Variants in PIKFYVE observed in about 807,000 individuals in gnomAD.
The protein encoded by PIKFYVE is 1-phosphatidylinositol 3-phosphate 5-kinase.
A neutral mutation model predicts 257.9 loss-of-function variants in PIKFYVE; 122 were observed. That is an observed-to-expected ratio of 0.47 (90% CI 0.41 to 0.55). The LOEUF (loss-of-function observed/expected upper bound fraction) is 0.55, where lower values mean the gene tolerates loss of function less well. Among genes scored for constraint, PIKFYVE ranks in the 20% least tolerant of loss-of-function variants. The pLI is 0.00. For synonymous variants in PIKFYVE, 892 were observed against 868.9 expected (o/e 1.03, Z -0.47); for missense variants, 2,160 against 2,536.6 (o/e 0.85, Z 3.19).
Position 208,325,472 on chromosome 2 carries a change from T to C in PIKFYVE, c.2661T>C (p.Pro887=), listed in dbSNP as rs1282443251. ...FAMPPTLMQN[P]SFHSLIEGRG... ...TGCCTCCCACATTAATGCAAAACCC[T>C]TCATTCCATTCCCTGATTGAGGGAC... The change falls in exon 20 of 42, where the codon CCT becomes CCC. Residue 887 remains proline (P), a synonymous_variant. Transcript: ENST00000264380. The C allele has an allele frequency of 1.9e-6, 3 of 1,614,048 alleles. No homozygotes were observed. The African/African-American group carries it at 4.0e-5, about 22-fold the overall frequency.
chr2:208,302,678 G>A (rs1693840257), intron 10 of PIKFYVE: 1 of 329,978 alleles, frequency 3.0e-6, no homozygotes, highest in Non-Finnish European at 5.9e-6. Flanking sequence ...AACTTTAATG[G>A]TTTTTGGTTT....
At chr2:208,267,876 T>C (rs1269103868) in intron 1 of PIKFYVE, among the ~76,000 whole-genome samples, 6 of 152,146 alleles carry the variant, frequency 3.9e-5, no homozygotes, top group Non-Finnish European at 8.8e-5. Flanking sequence ...CCTCCCAGGC[T>C]CAAGGGATTC....
At chr2:208,335,772 T>C (rs1698072727) in intron 25 of PIKFYVE, 21 bp from the exon 26 acceptor site, 1 of 1,561,592 alleles carries the variant, frequency 6.4e-7, no homozygotes, top group East Asian at 2.2e-5. Context: ...CTAAAGTGTT[T>C]AATGCTCTCG....
intron 5 of PIKFYVE, among the ~76,000 whole-genome samples, chr2:208,282,975 C>T (rs552104531): frequency 2.6e-5 from 4 of 152,228 alleles, no homozygotes; most frequent in African/African-American, 4.8e-5. Flanking sequence ...CTAATGCCAC[C>T]GCTGATCTGA....
intron 5 of PIKFYVE, among the ~76,000 whole-genome samples, chr2:208,282,674 C>CA (rs1197948824): frequency 1.1e-4 from 16 of 151,882 alleles, no homozygotes; most frequent in African/African-American, 3.9e-4. Context: ...TAATCACATC[C>CA]AAAAAAAATA....
chr2:208,293,737 A>G lies in PIKFYVE; in HGVS notation c.912-4904A>G, dbSNP rs561283163. On this transcript the variant is annotated intron_variant, in intron 7 of 41. Coordinates refer to ENST00000264380, the MANE Select transcript of PIKFYVE (RefSeq NM_015040.4). The stretch of plus-strand genomic sequence containing the variant: ...TGCTGTGTTGCCCAGGCTGGTCTCA[A>G]ACTCCTGGCCTCAAGCGATCCTCTT... Among the ~76,000 whole-genome samples the G allele has an allele frequency of 1.7e-3, 259 of 151,986 alleles. 1 individual carries two copies. The highest frequency in any genetic ancestry group is 2.5e-3 in the Non-Finnish European group (168 of 67,970).
chr2:208,330,789 A>G, intron 23 of PIKFYVE, 95 bp downstream of exon 23: 1 of 1,257,410 alleles, frequency 8.0e-7, no homozygotes, highest in Non-Finnish European at 1.1e-6. Flanking sequence ...ATGGTACTGG[A>G]TTCGTTATTT....
intron 15 of PIKFYVE, 124 bp downstream of exon 15, chr2:208,315,497 G>A (rs960074777): frequency 4.5e-6 from 5 of 1,114,602 alleles, no homozygotes; most frequent in Middle Eastern, 2.3e-4. Context: ...GGAGTAGGAG[G>A]TTTTGCTGTC....
chr2:208,333,503 C>A lies in PIKFYVE; in HGVS notation c.4142+10C>A, dbSNP rs775744936. The A allele has an allele frequency of 1.3e-5, 21 of 1,610,510 alleles. No homozygotes were observed. The highest frequency in any genetic ancestry group is 3.3e-5 in the Admixed American group (2 of 59,990). ...TGGTGGCGTCTTTCAGGTAAGAAATCCTAGGAATCTTGTGCATGATCTCAG... is the reference window on the plus strand; with the variant it reads ...TGGTGGCGTCTTTCAGGTAAGAAATACTAGGAATCTTGTGCATGATCTCAG... On this transcript the variant is annotated intron_variant, in intron 24 of 41. Transcript: ENST00000264380.
chr2:208,299,265 A>G (rs747213095), intron 8 of PIKFYVE, among the ~76,000 whole-genome samples: 47 of 151,914 alleles, frequency 3.1e-4, no homozygotes, highest in Non-Finnish European at 4.4e-5. Context: ...TCATTGCATT[A>G]ATATTTTCTT....
chr2:208,295,151 G>A (rs533538246), intron 7 of PIKFYVE, among the ~76,000 whole-genome samples: 66 of 152,312 alleles, frequency 4.3e-4, no homozygotes, highest in Non-Finnish European at 7.6e-4. Flanking sequence ...AGCAGGATTT[G>A]GCTTGTGACC....
At chr2:208,323,353 A>G (rs1485208987) in intron 17 of PIKFYVE, among the ~76,000 whole-genome samples, 3 of 138,852 alleles carry the variant, frequency 2.2e-5, no homozygotes, top group East Asian at 4.3e-4. Context: ...GAGTGAGAAC[A>G]TGTGGTGTTT....
At chr2:208,293,033 T>C (rs1692508827) in intron 7 of PIKFYVE, among the ~76,000 whole-genome samples, 1 of 151,966 alleles carries the variant, frequency 6.6e-6, no homozygotes, top group Non-Finnish European at 1.5e-5. Context: ...TAATTGAGCA[T>C]TTTATGTTAT....
In PIKFYVE at chr2:208,287,019, T is replaced by C. The variant is rs2125163607; in HGVS notation, c.821+1086T>C. Among the ~76,000 whole-genome samples the C allele has an allele frequency of 1.3e-5, 2 of 152,286 alleles. 1 individual carries two copies. The highest frequency in any genetic ancestry group is 4.1e-4 in the South Asian group (2 of 4,824). Reference sequence around the variant, plus strand: ...ATTAATTACAGCTACATTCAATATGTATGAATCTCAGGGACATAAAGTGGA... The same window carrying C: ...ATTAATTACAGCTACATTCAATATGCATGAATCTCAGGGACATAAAGTGGA... On this transcript the variant is annotated intron_variant, in intron 6 of 41. Coordinates refer to ENST00000264380, the MANE Select transcript of PIKFYVE (RefSeq NM_015040.4).
intron 17 of PIKFYVE, among the ~76,000 whole-genome samples, chr2:208,323,003 T>C (rs1032163847): frequency 1.3e-5 from 2 of 151,564 alleles, no homozygotes; most frequent in African/African-American, 4.9e-5. Context: ...GCTTCATCCA[T>C]GTCCCTACAA....
intron 16 of PIKFYVE, 44 bp downstream of exon 16, chr2:208,317,985 T>A: frequency 6.4e-7 from 1 of 1,566,870 alleles, no homozygotes; most frequent in South Asian, 1.1e-5. Flanking sequence ...AAACCATGGC[T>A]GTGTGCTTAG....
chr2:208,324,366 CTTT>C, intron 18 of PIKFYVE, 84 bp downstream of exon 18: 1 of 1,414,620 alleles, frequency 7.1e-7, no homozygotes, highest in Non-Finnish European at 9.9e-7. Context: ...ATACAAGAAT[CTTT>C]TTTTCTTTGC....
chr2:208,290,573 T>C (rs1289011182), intron 7 of PIKFYVE, among the ~76,000 whole-genome samples: 1 of 152,228 alleles, frequency 6.6e-6, no homozygotes, highest in Admixed American at 6.5e-5. Context: ...AAGGCTGTTA[T>C]AACATCTGAG....
chr2:208,324,606 A>G (rs1371572037), intron 18 of PIKFYVE, among the ~76,000 whole-genome samples: 1 of 152,078 alleles, frequency 6.6e-6, no homozygotes, highest in Non-Finnish European at 1.5e-5. Flanking sequence ...TGAAAAGTTT[A>G]CCCTGTGCAG....
Sources: gnomAD v4.1 joint callset for allele counts (sites outside exome capture counted in the v4.1 genomes callset) on GRCh38, gnomAD v4.1.1 for gene constraint, MANE v1.5 for transcripts, NCBI Gene and HGNC (gene_info 2026-07-23, HGNC 2026-07-21) for gene names.